COP1: variants seen among roughly 807,000 people sequenced by gnomAD.
The protein encoded by COP1 is COP1 E3 ubiquitin ligase.
Under a neutral mutation model 101.3 loss-of-function variants are expected in COP1, and 24 were observed. That is an observed-to-expected ratio of 0.24 (90% CI 0.17 to 0.33). COP1 has a LOEUF of 0.33. Among genes scored for constraint, COP1 ranks in the 10% least tolerant of loss-of-function variants. The pLI is 1.00. For synonymous variants in COP1, 347 were observed against 341.9 expected (o/e 1.01, Z -0.17); for missense variants, 663 against 906.2 (o/e 0.73, Z 3.45).
At chr1:176,143,560 AC>A (rs1253020735) in intron 6 of COP1, among the ~76,000 whole-genome samples, 10 of 152,198 alleles carry the variant, frequency 6.6e-5, no homozygotes, top group Admixed American at 1.3e-4. Context: ...AAGAAAAAAA[AC>A]AATCTCACTC....
intron 15 of COP1, among the ~76,000 whole-genome samples, chr1:176,025,203 C>A (rs1667457873): frequency 6.6e-6 from 1 of 151,950 alleles, no homozygotes; most frequent in South Asian, 2.1e-4. Flanking sequence ...TTCTAAACAG[C>A]AGAACACTAA....
chr1:175,994,755 G>C (rs1202487962), intron 15 of COP1, among the ~76,000 whole-genome samples: 3 of 152,170 alleles, frequency 2.0e-5, no homozygotes, highest in African/African-American at 7.2e-5. Context: ...CAAGTCCTGA[G>C]TGACCTACAA....
chr1:175,999,860 G>C (rs1661174439), intron 15 of COP1, among the ~76,000 whole-genome samples: 1 of 152,104 alleles, frequency 6.6e-6, no homozygotes, highest in Non-Finnish European at 1.5e-5. Flanking sequence ...GATGATCAAT[G>C]ATGTTGAGCA....
At chr1:176,206,076 A>C (rs1163272129) in intron 1 of COP1, among the ~76,000 whole-genome samples, 1 of 152,210 alleles carries the variant, frequency 6.6e-6, no homozygotes, top group East Asian at 1.9e-4. Flanking sequence ...ATCCATGCTT[A>C]TGTTTACAGC....
intron 17 of COP1, among the ~76,000 whole-genome samples, chr1:175,987,366 ATCAT>A (rs1180665387): frequency 6.6e-6 from 1 of 152,194 alleles, no homozygotes; most frequent in African/African-American, 2.4e-5. Context: ...ACCCTATAAA[ATCAT>A]TTATAGAGGT....
intron 15 of COP1, among the ~76,000 whole-genome samples, chr1:176,026,146 G>A (rs72713270): frequency 0.027 from 4,090 of 152,072 alleles, 108 homozygotes; most frequent in Non-Finnish European, 0.037. Flanking sequence ...AGCAGATAGC[G>A]GAAGCATTTT....
intron 11 of COP1, among the ~76,000 whole-genome samples, chr1:176,073,074 A>AGG (rs1249173136): frequency 6.6e-6 from 1 of 152,196 alleles, no homozygotes; most frequent in Non-Finnish European, 1.5e-5. Flanking sequence ...TATTGGCATT[A>AGG]GGTTTATCTT....
chr1:176,140,414 A>C (rs1251929672), intron 6 of COP1, among the ~76,000 whole-genome samples: 1 of 152,210 alleles, frequency 6.6e-6, no homozygotes, highest in African/African-American at 2.4e-5. Flanking sequence ...AAATATTAAA[A>C]AGAAAAAAGT....
chr1:176,163,743 C>T (rs898271628), intron 4 of COP1, 72 bp downstream of exon 4: 1 of 937,236 alleles, frequency 1.1e-6, no homozygotes, highest in East Asian at 2.7e-5. Flanking sequence ...ACTTTAACAT[C>T]TAACTAATAT....
At chr1:176,011,522 T>C (rs1308559057) in intron 15 of COP1, among the ~76,000 whole-genome samples, 1 of 152,218 alleles carries the variant, frequency 6.6e-6, no homozygotes, top group African/African-American at 2.4e-5. Context: ...TTCTCATTAA[T>C]GTACTCCATA....
intron 18 of COP1, among the ~76,000 whole-genome samples, chr1:175,961,965 T>C (rs1651425712): frequency 6.6e-6 from 1 of 152,042 alleles, no homozygotes; most frequent in Non-Finnish European, 1.5e-5. Flanking sequence ...GCAGCTTATG[T>C]ATTAGTTAAC....
intron 1 of COP1, among the ~76,000 whole-genome samples, chr1:176,189,861 T>TA (rs1237506271): frequency 2.6e-5 from 4 of 151,326 alleles, no homozygotes; most frequent in African/African-American, 9.7e-5. Context: ...TAACAATAAT[T>TA]AAAAAACTGA....
intron 11 of COP1, among the ~76,000 whole-genome samples, chr1:176,065,336 A>C (rs756964985): frequency 1.3e-5 from 2 of 152,224 alleles, no homozygotes; most frequent in African/African-American, 2.4e-5. Context: ...GTCCTATCTT[A>C]CTAAGAAGTT....
chr1:175,955,054 C>A (rs1015798852), intron 18 of COP1, among the ~76,000 whole-genome samples: 4 of 151,934 alleles, frequency 2.6e-5, no homozygotes, highest in African/African-American at 9.7e-5. Context: ...GTGAGACCAG[C>A]CTGGGCAATA....
chr1:176,205,522 T>C (rs1179334997), intron 1 of COP1, among the ~76,000 whole-genome samples: 5 of 152,218 alleles, frequency 3.3e-5, no homozygotes, highest in Non-Finnish European at 5.9e-5. Flanking sequence ...ATAATGACTG[T>C]GCAAGCAGCC....
At chr1:176,041,032 G>GA (rs1341829274) in intron 14 of COP1, among the ~76,000 whole-genome samples, 2 of 151,430 alleles carry the variant, frequency 1.3e-5, no homozygotes, top group African/African-American at 2.4e-5. Flanking sequence ...ACAAGAAACA[G>GA]AAAAAAAAGG....
chr1:175,997,062 T>A (rs1297331351), intron 15 of COP1, among the ~76,000 whole-genome samples: 1 of 150,982 alleles, frequency 6.6e-6, no homozygotes, highest in African/African-American at 2.5e-5. Flanking sequence ...TATAGATCAA[T>A]GGAACAGAAC....
intron 14 of COP1, among the ~76,000 whole-genome samples, chr1:176,037,579 CA>C (rs2149135861): frequency 6.6e-6 from 1 of 151,814 alleles, no homozygotes; most frequent in East Asian, 1.9e-4. Flanking sequence ...AACCTCAAGT[CA>C]AATCTAGAAA....
At chr1:176,131,965 C>A (rs548888193) in intron 8 of COP1, among the ~76,000 whole-genome samples, 101 of 151,642 alleles carry the variant, frequency 6.7e-4, no homozygotes, top group Non-Finnish European at 1.1e-3. Context: ...GCTTTGCAAG[C>A]AATTTTAGCA....
Sources: gnomAD v4.1 joint callset for allele counts (sites outside exome capture counted in the v4.1 genomes callset) on GRCh38, gnomAD v4.1.1 for gene constraint, MANE v1.5 for transcripts, NCBI Gene and HGNC (gene_info 2026-07-23, HGNC 2026-07-21) for gene names.